Variants in RTRAF observed in about 807,000 individuals in gnomAD.
RTRAF encodes the protein RNA transcription, translation and transport factor.
In RTRAF, 14 loss-of-function variants were observed where a neutral mutation model predicts 34.4. That is an observed-to-expected ratio of 0.41 (90% confidence interval 0.27 to 0.64). RTRAF has a LOEUF of 0.64. RTRAF is among the 30% of genes least tolerant of loss of function. The pLI, the probability that RTRAF is intolerant of heterozygous loss-of-function variation, is 0.34. For missense variants in RTRAF, 291 were observed against 288.4 expected (o/e 1.01, Z -0.06); for synonymous variants, 96 against 95.3 (o/e 1.01, Z -0.04).
In RTRAF at chr14:51,991,445, A is replaced by G; in HGVS notation, c.186+4A>G. 11 of 1,606,852 alleles carry G rather than the reference A, an allele frequency of 6.8e-6. No individual in the cohort carries two copies. The highest frequency in any genetic ancestry group is 9.3e-6 in the Non-Finnish European group (11 of 1,176,952). On this transcript the variant is annotated splice_donor_region_variant and intron_variant, in intron 2 of 7. Coordinates refer to ENST00000261700, the MANE Select transcript of RTRAF (RefSeq NM_016039.3). ...CTGGCCCAAGTTCTTTGAAAAGGTA[A>G]TGAATTAGGAAGTAAAGTAAAAATA...
At position 52,006,355 on chromosome 14, in the gene RTRAF, T is replaced by TCAAAAACATGA; in HGVS notation, c.*1840_*1850dup. On this transcript the variant is annotated 3_prime_UTR_variant, in exon 8 of 8. Coordinates refer to ENST00000261700, the MANE Select transcript of RTRAF (RefSeq NM_016039.3). ...TTCTGGGTGAAGTAAAAGGATGATT[T>TCAAAAACATGA]CAAAAACATGAAAGGATGAAAAACA... 1.6e-6 allele frequency: 1 copy of TCAAAAACATGA among 631,952 alleles called. No homozygotes were observed. The highest frequency in any genetic ancestry group is 2.7e-6 in the Non-Finnish European group (1 of 370,212). The allele number at this position is 631,952 out of a possible 1,614,324, so 39.1% of individuals were successfully genotyped here.
In RTRAF at chr14:52,005,749, A is replaced by C. The variant is rs769837683; in HGVS notation, c.*1233A>C. The C allele has an allele frequency of 3.7e-6, 6 of 1,611,814 alleles. No homozygotes were observed. In the South Asian group the frequency reaches 6.6e-5, roughly 18 times the overall value. On this transcript the variant is annotated 3_prime_UTR_variant, in exon 8 of 8. Coordinates refer to ENST00000261700, the MANE Select transcript of RTRAF (RefSeq NM_016039.3). ...GCATACTTTTTACCTGTTGGGCAGT[A>C]GGGGTAGACTGCAGTTATCCCGTAG...
chr14:51,997,027 GTTCTTTT>G (rs1163283437), intron 3 of RTRAF, among the ~76,000 whole-genome samples: 5 of 151,916 alleles, frequency 3.3e-5, no homozygotes, highest in Non-Finnish European at 5.9e-5. Context: ...GAAGTGATGT[GTTCTTTT>G]TAGTGCATCA....
At chr14:51,998,466 C>T in intron 3 of RTRAF, 28 bp from the exon 4 acceptor site, 1 of 1,390,938 alleles carries the variant, frequency 7.2e-7, no homozygotes, top group Non-Finnish European at 9.9e-7. Flanking sequence ...TGCAGTTGTA[C>T]AAATTATATT....
At position 52,006,787 on chromosome 14, in the gene RTRAF, T is replaced by A; in HGVS notation, c.*2271T>A. 2 of 989,594 alleles carry A rather than the reference T, an allele frequency of 2.0e-6. No individual in the cohort carries two copies. The highest frequency in any genetic ancestry group is 3.0e-6 in the Non-Finnish European group (2 of 670,104). 61.3% of individuals were successfully genotyped at this position (989,594 alleles called of 1,614,324 possible). A position where few individuals can be genotyped will look rare whatever the true frequency, so the allele number is the denominator to read the frequency against. ...TTTTACTTCCATTACAGTCATAGAT[T>A]AGCAACTGTAAAATTACCTGTCCTA... On this transcript the variant is annotated 3_prime_UTR_variant, in exon 8 of 8. Coordinates refer to ENST00000261700, the MANE Select transcript of RTRAF (RefSeq NM_016039.3).
In RTRAF at chr14:52,007,845, T is replaced by A; in HGVS notation, c.*3329T>A. 1 of 1,613,970 alleles carries A rather than the reference T, an allele frequency of 6.2e-7. No homozygotes were observed. The highest frequency in any genetic ancestry group is 8.5e-7 in the Non-Finnish European group (1 of 1,179,946). ...CCAGCAGAGCAGTTTAGAGAAAGGG[T>A]CAAAGGTTAAGCCATTGGGCAATCC... On this transcript the variant is annotated 3_prime_UTR_variant, in exon 8 of 8. Transcript: ENST00000261700.
At position 52,004,105 on chromosome 14, in the gene RTRAF, A is replaced by G. The variant is rs183351554; in HGVS notation, c.532-89A>G. On this transcript the variant is annotated intron_variant, in intron 6 of 7. Coordinates refer to ENST00000261700, the MANE Select transcript of RTRAF (RefSeq NM_016039.3). Reference sequence around the variant, plus strand: ...ATGCAGCTAAAAGAGTTAAGACACCAGAATAGCTAGGTGCTTTTCAGTTTC... The same window carrying G: ...ATGCAGCTAAAAGAGTTAAGACACCGGAATAGCTAGGTGCTTTTCAGTTTC... 545 of 1,128,018 alleles carry G rather than the reference A, an allele frequency of 4.8e-4. 7 individuals are homozygous for G. In the East Asian group the frequency reaches 0.012, roughly 24 times the overall value. The allele number at this position is 1,128,018 out of a possible 1,614,324, so 69.9% of individuals were successfully genotyped here.
Position 52,005,881 on chromosome 14 carries a change from A to ACAGT in RTRAF, c.*1368_*1371dup. 1 of 1,463,678 alleles carries ACAGT rather than the reference A, an allele frequency of 6.8e-7. No homozygotes were observed. The highest frequency in any genetic ancestry group is 9.5e-7 in the Non-Finnish European group (1 of 1,049,560). 90.7% of individuals were successfully genotyped at this position (1,463,678 alleles called of 1,614,324 possible). On this transcript the variant is annotated 3_prime_UTR_variant, in exon 8 of 8. Coordinates refer to ENST00000261700, the MANE Select transcript of RTRAF (RefSeq NM_016039.3). ...ACAGAAAGGAAGAGTGAATTCAGGG[A>ACAGT]CAGTCATTTACTAGATAAAGAAGTC...
rs766627770 is a variant in RTRAF at position 52,004,258 on chromosome 14, T to G, written c.580+16T>G. On this transcript the variant is annotated intron_variant, in intron 7 of 7. Transcript: ENST00000261700. Reference sequence around the variant, plus strand: ...GACACAGGAGGTAAGTGATTTTGTTTAAATTCAAACTATTTTTTTTACAGA... The same window carrying G: ...GACACAGGAGGTAAGTGATTTTGTTGAAATTCAAACTATTTTTTTTACAGA... 1.4e-5 allele frequency: 23 copies of G among 1,612,642 alleles called. No individual in the cohort carries two copies. Among genetic ancestry groups the G allele is most frequent in the Middle Eastern group, 3.3e-4 (2 of 6,078 alleles).
chr14:52,006,592 A>G lies in RTRAF; in HGVS notation c.*2076A>G, dbSNP rs1196546075. 6.2e-7 allele frequency: 1 copy of G among 1,613,744 alleles called. No individual in the cohort carries two copies. On this transcript the variant is annotated 3_prime_UTR_variant, in exon 8 of 8. Coordinates refer to ENST00000261700, the MANE Select transcript of RTRAF (RefSeq NM_016039.3). ...GCATAGCTTACGATGCTGAAGGGGT[A>G]CTTGAGGTTGTTTTGAATGACACGC...
chr14:51,990,945 T>C (rs1400011459), intron 1 of RTRAF, among the ~76,000 whole-genome samples: 5 of 152,250 alleles, frequency 3.3e-5, no homozygotes, highest in Admixed American at 2.6e-4. Context: ...TGCCAGGCAC[T>C]GTTTTTATCC....
At chr14:51,998,631 A>G (rs756809153) in intron 4 of RTRAF, 51 bp downstream of exon 4, 2 of 1,267,018 alleles carry the variant, frequency 1.6e-6, no homozygotes, top group South Asian at 2.8e-5. Flanking sequence ...GGTTTTTTAA[A>G]TGTTTTTTTC....
rs1566737130 is a variant in RTRAF, at chr14:52,005,816, G to A, written c.*1300G>A. 1 of 1,613,504 alleles carries A rather than the reference G, an allele frequency of 6.2e-7. No individual in the cohort carries two copies. ...CTGGGAGATACTCATCAGTAAACTG[G>A]CCACTATGTTTATTTACTGATACAA... On this transcript the variant is annotated 3_prime_UTR_variant, in exon 8 of 8. Transcript: ENST00000261700.
At chr14:51,994,127 G>A (rs921718637) in intron 3 of RTRAF, among the ~76,000 whole-genome samples, 3 of 152,106 alleles carry the variant, frequency 2.0e-5, no homozygotes, top group African/African-American at 7.2e-5. Context: ...AGAATTGATG[G>A]GACTTTGAAG....
In RTRAF at chr14:52,007,611, A is replaced by ATAT; in HGVS notation, c.*3096_*3098dup. Reference sequence around the variant, plus strand: ...AAGCAGTACAAACTTACTGCTTGATATATCCTTCCCTCCACCCAAACCCCA... The same window carrying ATAT: ...AAGCAGTACAAACTTACTGCTTGATATATTATCCTTCCCTCCACCCAAACCCCA... On this transcript the variant is annotated 3_prime_UTR_variant, in exon 8 of 8. Transcript: ENST00000261700. The ATAT allele has an allele frequency of 1.7e-6, 1 of 577,874 alleles. No homozygotes were observed. Among genetic ancestry groups the ATAT allele is most frequent in the South Asian group, 2.1e-5 (1 of 47,382 alleles). 35.8% of individuals were successfully genotyped at this position (577,874 alleles called of 1,614,324 possible). A position where few individuals can be genotyped will look rare whatever the true frequency, so the allele number is the denominator to read the frequency against.
Position 52,006,455 on chromosome 14 carries a change from G to C in RTRAF, c.*1939G>C, listed in dbSNP as rs190434788. Reference sequence around the variant, plus strand: ...CAGAGGGCTTAATGAGTCAAGTCAGGTACTGACTTTTGGTAAAACAAGTGG... The same window carrying C: ...CAGAGGGCTTAATGAGTCAAGTCAGCTACTGACTTTTGGTAAAACAAGTGG... On this transcript the variant is annotated 3_prime_UTR_variant, in exon 8 of 8. Transcript: ENST00000261700. The C allele has an allele frequency of 9.2e-4, 1,390 of 1,514,458 alleles. 1 individual carries two copies. Among genetic ancestry groups the C allele is most frequent in the Non-Finnish European group, 1.0e-3 (1,151 of 1,103,146 alleles). 93.8% of individuals were successfully genotyped at this position (1,514,458 alleles called of 1,614,324 possible).
At chr14:51,994,278 A>C (rs139800178) in intron 3 of RTRAF, among the ~76,000 whole-genome samples, 81 of 152,322 alleles carry the variant, frequency 5.3e-4, no homozygotes, top group African/African-American at 1.9e-3. Flanking sequence ...TCTGAATGTT[A>C]GTACCTATAG....
At chr14:51,996,323 CGGT>C (rs1214489490) in intron 3 of RTRAF, among the ~76,000 whole-genome samples, 3 of 152,046 alleles carry the variant, frequency 2.0e-5, no homozygotes, top group Non-Finnish European at 4.4e-5. Flanking sequence ...TGTCTCTAAT[CGGT>C]AGGAGGCGCT....
chr14:51,989,617 G>C lies in RTRAF; in HGVS notation c.-23G>C. On this transcript the variant is annotated 5_prime_UTR_variant, in exon 1 of 8. Coordinates refer to ENST00000261700, the MANE Select transcript of RTRAF (RefSeq NM_016039.3). ...CTTCTCTCCCGGCCGAGGCCCGGGGGACCAGAGCGAGAAGCGGGGACCATG... is the reference window on the plus strand; with the variant it reads ...CTTCTCTCCCGGCCGAGGCCCGGGGCACCAGAGCGAGAAGCGGGGACCATG... 1 of 1,593,676 alleles carries C rather than the reference G, an allele frequency of 6.3e-7. No individual in the cohort carries two copies. Among genetic ancestry groups the C allele is most frequent in the Non-Finnish European group, 8.5e-7 (1 of 1,170,698 alleles).
Sources: gnomAD v4.1 joint callset for allele counts (sites outside exome capture counted in the v4.1 genomes callset) on GRCh38, gnomAD v4.1.1 for gene constraint, MANE v1.5 for transcripts, NCBI Gene and HGNC (gene_info 2026-07-23, HGNC 2026-07-21) for gene names.